The following KHDRBS3 variants were observed in gnomAD, a reference collection of about 807,000 sequenced individuals.
KHDRBS3 encodes the protein KH RNA binding domain containing, signal transduction associated 3.
A neutral mutation model predicts 45.6 loss-of-function variants in KHDRBS3; 23 were observed. That is an observed-to-expected ratio of 0.50 (90% CI 0.36 to 0.72). KHDRBS3 has a LOEUF of 0.72. Among genes scored for constraint, KHDRBS3 ranks in the 30% least tolerant of loss-of-function variants. KHDRBS3 has a pLI of 0.00. For synonymous variants in KHDRBS3, 162 were observed against 156.5 expected (o/e 1.04, Z -0.26); for missense variants, 352 against 424.8 (o/e 0.83, Z 1.51).
intron 1 of KHDRBS3, among the ~76,000 whole-genome samples, chr8:135,517,065 AAAACAAATGAAC>A (rs764831281): frequency 6.6e-5 from 10 of 152,234 alleles, no homozygotes; most frequent in Non-Finnish European, 1.5e-4. Flanking sequence ...AGACCAAAGC[AAAACAAATGAAC>A]AAACAAAAAA....
intron 1 of KHDRBS3, among the ~76,000 whole-genome samples, chr8:135,494,301 CAG>C (rs1366126337): frequency 3.3e-5 from 3 of 91,616 alleles, no homozygotes; most frequent in South Asian, 3.4e-4. Flanking sequence ...TTTTTTGAGA[CAG>C]AGTCTCACTC....
chr8:135,551,376 G>GT (rs767609587), intron 4 of KHDRBS3, among the ~76,000 whole-genome samples: 8 of 151,732 alleles, frequency 5.3e-5, no homozygotes, highest in African/African-American at 1.9e-4. Flanking sequence ...TTGGCTATAG[G>GT]TTTTTTTTAT....
At chr8:135,611,084 A>G (rs190388979) in intron 7 of KHDRBS3, among the ~76,000 whole-genome samples, 5 of 152,032 alleles carry the variant, frequency 3.3e-5, no homozygotes, top group African/African-American at 1.2e-4. Context: ...GATTCACTAA[A>G]AGAAGCATCT....
At chr8:135,546,592 T>C (rs899108700) in intron 3 of KHDRBS3, among the ~76,000 whole-genome samples, 1 of 152,196 alleles carries the variant, frequency 6.6e-6, no homozygotes, top group Non-Finnish European at 1.5e-5. Context: ...CATTACTATA[T>C]TTATCATTTA....
chr8:135,600,177 A>G (rs1829146001), intron 6 of KHDRBS3, among the ~76,000 whole-genome samples: 1 of 152,188 alleles, frequency 6.6e-6, no homozygotes, highest in Non-Finnish European at 1.5e-5. Context: ...TTATTGGTTA[A>G]TCTTCCCCTA....
At chr8:135,594,162 G>T (rs1586774209) in intron 6 of KHDRBS3, among the ~76,000 whole-genome samples, 1 of 152,134 alleles carries the variant, frequency 6.6e-6, no homozygotes, top group East Asian at 1.9e-4. Flanking sequence ...ACAGGATGTG[G>T]AATAAGGACT....
At chr8:135,470,192 G>T (rs1821941388) in intron 1 of KHDRBS3, among the ~76,000 whole-genome samples, 1 of 152,116 alleles carries the variant, frequency 6.6e-6, no homozygotes, top group African/African-American at 2.4e-5. Context: ...CCTTGGATCT[G>T]TGGAGCATCC....
chr8:135,469,511 T>TTTTTG (rs1310953896), intron 1 of KHDRBS3, among the ~76,000 whole-genome samples: 2 of 22,466 alleles, frequency 8.9e-5, no homozygotes, highest in Admixed American at 1.1e-3. Flanking sequence ...ATGGTGTTTT[T>TTTTTG]TTTTTGTTTT....
At chr8:135,576,243 C>T (rs1292039524) in intron 5 of KHDRBS3, among the ~76,000 whole-genome samples, 1 of 152,166 alleles carries the variant, frequency 6.6e-6, no homozygotes, top group Non-Finnish European at 1.5e-5. Context: ...TGTCGAATTC[C>T]TCATTTTTCT....
intron 2 of KHDRBS3, chr8:135,539,616 C>T (rs1261540172): frequency 2.6e-5 from 4 of 152,182 alleles, no homozygotes; most frequent in East Asian, 3.9e-4. Flanking sequence ...AGGTGATTTT[C>T]GTATACTTTC....
At chr8:135,581,830 T>A (rs754195384) in intron 5 of KHDRBS3, 48 bp from the exon 6 acceptor site, 1 of 1,320,134 alleles carries the variant, frequency 7.6e-7, no homozygotes, top group East Asian at 2.6e-5. Context: ...AATAACAGAA[T>A]GTTAGAGACT....
At chr8:135,629,237 CAAACTT>C (rs1267431985) in intron 7 of KHDRBS3, among the ~76,000 whole-genome samples, 1 of 152,174 alleles carries the variant, frequency 6.6e-6, no homozygotes, top group African/African-American at 2.4e-5. Flanking sequence ...TGAGGTTTTG[CAAACTT>C]AGTTACAATA....
At chr8:135,527,902 A>G (rs1198968820) in intron 2 of KHDRBS3, among the ~76,000 whole-genome samples, 1 of 152,206 alleles carries the variant, frequency 6.6e-6, no homozygotes, top group Non-Finnish European at 1.5e-5. Context: ...GTTTCTGTAC[A>G]TGAATGTTTT....
chr8:135,574,690 G>GT (rs1477611860), intron 5 of KHDRBS3, among the ~76,000 whole-genome samples: 5 of 152,172 alleles, frequency 3.3e-5, no homozygotes, highest in African/African-American at 1.2e-4. Flanking sequence ...TCACAAAGGA[G>GT]TTAGATGCAC....
intron 1 of KHDRBS3, among the ~76,000 whole-genome samples, chr8:135,508,855 G>A (rs958102533): frequency 3.9e-5 from 6 of 152,076 alleles, no homozygotes; most frequent in African/African-American, 1.2e-4. Flanking sequence ...CTGTTGTTTA[G>A]GTATACTTTC....
intron 1 of KHDRBS3, among the ~76,000 whole-genome samples, chr8:135,462,237 G>GTTT (rs541659142): frequency 0.053 from 7,384 of 140,202 alleles, 235 homozygotes; most frequent in African/African-American, 0.083. Flanking sequence ...TGTGTTATCA[G>GTTT]TTTTTTTTTT....
At chr8:135,498,227 G>A (rs1467334736) in intron 1 of KHDRBS3, among the ~76,000 whole-genome samples, 3 of 152,324 alleles carry the variant, frequency 2.0e-5, no homozygotes, top group East Asian at 3.9e-4. Context: ...TTCTTTTGGG[G>A]ATGACAAATA....
At chr8:135,603,142 C>G (rs2131011352) in intron 6 of KHDRBS3, among the ~76,000 whole-genome samples, 1 of 152,280 alleles carries the variant, frequency 6.6e-6, no homozygotes, top group Middle Eastern at 3.4e-3. Context: ...TCAGTGCTTA[C>G]CCTTGACATG....
chr8:135,548,363 T>C (rs1826413281), intron 3 of KHDRBS3, among the ~76,000 whole-genome samples: 1 of 152,002 alleles, frequency 6.6e-6, no homozygotes, highest in Non-Finnish European at 1.5e-5. Context: ...ACACAGCCAG[T>C]GTAGAAGTGA....
Sources: gnomAD v4.1 joint callset for allele counts (sites outside exome capture counted in the v4.1 genomes callset) on GRCh38, gnomAD v4.1.1 for gene constraint, MANE v1.5 for transcripts, NCBI Gene and HGNC (gene_info 2026-07-23, HGNC 2026-07-21) for gene names.